SLC9A9: variants seen among roughly 807,000 people sequenced by gnomAD.
SLC9A9 encodes solute carrier family 9 member A9, also known as sodium/hydrogen exchanger 9.
A neutral mutation model predicts 77.8 loss-of-function variants in SLC9A9; 62 were observed. That is an observed-to-expected ratio of 0.80 (90% confidence interval 0.65 to 0.98). The LOEUF (loss-of-function observed/expected upper bound fraction) is 0.98, where lower values mean the gene tolerates loss of function less well. SLC9A9 is among the 50% of genes least tolerant of loss of function. The pLI, the probability that SLC9A9 is intolerant of heterozygous loss-of-function variation, is 0.00. For synonymous variants in SLC9A9, 320 were observed against 283.5 expected, an observed-to-expected ratio of 1.13 and a Z score of -1.29; for missense variants, 775 against 774.9, an observed-to-expected ratio of 1.00 and a Z score of 0.00.
Position 143,737,499 on chromosome 3 carries a change from C to T in SLC9A9, c.534-44192G>A, listed in dbSNP as rs866635199. 3.3e-5 allele frequency among the ~76,000 whole-genome samples: 5 copies of T among 151,094 alleles called. No homozygotes were observed. The South Asian group carries it at 1.0e-3, about 32-fold the overall frequency. On this transcript the variant is annotated intron_variant, in intron 4 of 15. Transcript: ENST00000316549. Reference sequence around the variant, plus strand: ...TTAAAAAAAAAACCAAAAAAAAAACCCACAAAACTCTCACGAATGGCAGAG... The same window carrying T: ...TTAAAAAAAAAACCAAAAAAAAAACTCACAAAACTCTCACGAATGGCAGAG...
At chr3:143,710,889 G>A (rs558106139) in intron 4 of SLC9A9, among the ~76,000 whole-genome samples, 1 of 152,126 alleles carries the variant, frequency 6.6e-6, no homozygotes, top group East Asian at 1.9e-4. Flanking sequence ...TGTTGCAATA[G>A]AATGTAAATA....
intron 14 of SLC9A9, among the ~76,000 whole-genome samples, chr3:143,319,877 C>A (rs1245783546): frequency 6.6e-6 from 1 of 152,160 alleles, no homozygotes; most frequent in Non-Finnish European, 1.5e-5. Flanking sequence ...AAACGCCTTC[C>A]CATTTTGTGT....
At chr3:143,410,284 G>A (rs898385861) in intron 12 of SLC9A9, among the ~76,000 whole-genome samples, 2 of 152,136 alleles carry the variant, frequency 1.3e-5, no homozygotes, top group African/African-American at 4.8e-5. Flanking sequence ...ACAAAAATCT[G>A]GGGTAAGCAG....
At chr3:143,728,275 CTG>C (rs1286138614) in intron 4 of SLC9A9, among the ~76,000 whole-genome samples, 1 of 152,064 alleles carries the variant, frequency 6.6e-6, no homozygotes, top group East Asian at 1.9e-4. Context: ...GGAGAAAAAA[CTG>C]GAGTGAGATG....
At chr3:143,640,213 C>T (rs998650947) in intron 6 of SLC9A9, among the ~76,000 whole-genome samples, 5 of 151,962 alleles carry the variant, frequency 3.3e-5, no homozygotes, top group Non-Finnish European at 7.4e-5. Context: ...AGTAGAGACG[C>T]AGTTTCACTG....
At chr3:143,695,706 A>G (rs936781774) in intron 4 of SLC9A9, among the ~76,000 whole-genome samples, 1 of 152,112 alleles carries the variant, frequency 6.6e-6, no homozygotes, top group Non-Finnish European at 1.5e-5. Context: ...CAGTAATGGG[A>G]TTGCTGGGTC....
At chr3:143,487,243 AC>A (rs2035668191) in intron 11 of SLC9A9, among the ~76,000 whole-genome samples, 3 of 152,022 alleles carry the variant, frequency 2.0e-5, no homozygotes, top group African/African-American at 7.2e-5. Context: ...ATAAACATTT[AC>A]ATACCTAATG....
intron 14 of SLC9A9, among the ~76,000 whole-genome samples, chr3:143,346,172 T>G (rs931537752): frequency 2.0e-5 from 3 of 152,200 alleles, no homozygotes; most frequent in Admixed American, 6.5e-5. Context: ...AATATGCCAG[T>G]TGAAACTCTC....
intron 12 of SLC9A9, among the ~76,000 whole-genome samples, chr3:143,425,850 G>T (rs1486000523): frequency 1.3e-5 from 2 of 152,100 alleles, no homozygotes; most frequent in Non-Finnish European, 2.9e-5. Flanking sequence ...AACATGACAA[G>T]ATATGCTCCA....
chr3:143,682,167 T>C (rs1283315215), intron 5 of SLC9A9, among the ~76,000 whole-genome samples: 1 of 152,160 alleles, frequency 6.6e-6, no homozygotes, highest in African/African-American at 2.4e-5. Context: ...CTCTTTGCCT[T>C]AGGAAAATCA....
intron 4 of SLC9A9, among the ~76,000 whole-genome samples, chr3:143,708,107 C>T (rs1934037439): frequency 6.6e-6 from 1 of 152,114 alleles, no homozygotes; most frequent in Admixed American, 6.6e-5. Flanking sequence ...ATGGAATGGG[C>T]ATAAATCACA....
chr3:143,700,139 C>T (rs1397890892), intron 4 of SLC9A9, among the ~76,000 whole-genome samples: 6 of 151,824 alleles, frequency 4.0e-5, no homozygotes, highest in African/African-American at 1.5e-4. Flanking sequence ...CAGGACCCAT[C>T]ATCTGCTGAC....
Position 143,578,629 on chromosome 3 carries a change from CA to C in SLC9A9, c.849del (p.Gly284AlafsTer16), listed in dbSNP as rs1292784956. ...TACGCAGACCCCATTGCAAATGAGC[CA>C]GCGAAGATTCCCAGGAAATTCCCCA... Reference protein sequence around the residue: ...QSVGNFLGIFAGSFAMGSAYA... With the variant: ...QSVGNFLGIFXGSFAMGSAYA... On this transcript the variant is annotated frameshift_variant, in exon 7 of 16. Coordinates refer to ENST00000316549, the MANE Select transcript of SLC9A9 (RefSeq NM_173653.4). LOFTEE classifies it high-confidence loss of function. 4 of 1,613,956 alleles carry C rather than the reference CA, an allele frequency of 2.5e-6. No homozygotes were observed. Among genetic ancestry groups the C allele is most frequent in the Non-Finnish European group, 3.4e-6 (4 of 1,179,968 alleles).
intron 9 of SLC9A9, among the ~76,000 whole-genome samples, chr3:143,501,006 A>G (rs2035914015): frequency 6.6e-6 from 1 of 150,400 alleles, no homozygotes; most frequent in Non-Finnish European, 1.5e-5. Flanking sequence ...ATTCTAGCTC[A>G]CTCCTTATAC....
intron 9 of SLC9A9, among the ~76,000 whole-genome samples, chr3:143,544,371 C>T (rs558806133): frequency 1.1e-4 from 17 of 152,176 alleles, no homozygotes; most frequent in Non-Finnish European, 2.1e-4. Flanking sequence ...GGACTATAGG[C>T]GCCTGCCACC....
At chr3:143,653,652 C>T (rs548769401) in intron 5 of SLC9A9, among the ~76,000 whole-genome samples, 1 of 152,176 alleles carries the variant, frequency 6.6e-6, no homozygotes, top group African/African-American at 2.4e-5. Flanking sequence ...AGAGAGATGA[C>T]ACAATCTGAA....
In SLC9A9 at chr3:143,557,780, A is replaced by G. The variant is rs192191486; in HGVS notation, c.1001-5330T>C. ...TAATTTAGGGTATCTGGTGGAAGAA[A>G]TTTCTAAGCAGCAAAGCATTCAAGA... is the stretch of plus-strand genomic sequence containing the variant. On this transcript the variant is annotated intron_variant, in intron 8 of 15. Coordinates refer to ENST00000316549, the MANE Select transcript of SLC9A9 (RefSeq NM_173653.4). Among the ~76,000 whole-genome samples the G allele has an allele frequency of 2.1e-3, 320 of 152,326 alleles. 3 individuals are homozygous for G. The highest frequency in any genetic ancestry group is 7.4e-3 in the African/African-American group (307 of 41,578).
At chr3:143,517,659 C>T (rs1490014235) in intron 9 of SLC9A9, 12 of 1,596,986 alleles carry the variant, frequency 7.5e-6, no homozygotes, top group African/African-American at 1.3e-5. Context: ...AGTCTGTGTG[C>T]TTTCGCCCGC....
chr3:143,832,313 A>T (rs1296968207), intron 1 of SLC9A9, 92 bp from the exon 2 acceptor site: 1 of 1,146,116 alleles, frequency 8.7e-7, no homozygotes, highest in Admixed American at 2.0e-5. Context: ...TTCAGAAGTG[A>T]CAGGATAAAG....
Sources: gnomAD v4.1 joint callset for allele counts (sites outside exome capture counted in the v4.1 genomes callset) on GRCh38, gnomAD v4.1.1 for gene constraint, MANE v1.5 for transcripts, NCBI Gene and HGNC (gene_info 2026-07-23, HGNC 2026-07-21) for gene names.